HPRT1: variants seen among roughly 807,000 people sequenced by gnomAD.
HPRT1 encodes the protein hypoxanthine phosphoribosyltransferase 1, also known as hypoxanthine-guanine phosphoribosyltransferase.
HPRT1 carries 4 observed loss-of-function variants against 19.0 expected under a neutral mutation model. The observed-to-expected ratio is 0.21, with a 90% CI of 0.10 to 0.48. HPRT1 has a LOEUF of 0.48. Ranked by LOEUF, HPRT1 falls within the 20% of genes least tolerant of loss-of-function variation. The pLI is 0.98. For missense variants in HPRT1, 65 were observed against 164.0 expected (o/e 0.40, Z 3.30); for synonymous variants, 53 against 54.9 (o/e 0.97, Z 0.15).
intron 4 of HPRT1, among the ~76,000 whole-genome samples, chrX:134,488,129 A>G (rs1329823425): frequency 9.0e-6 from 1 of 110,807 alleles, no homozygotes; most frequent in African/African-American, 3.3e-5. Flanking sequence ...TTTCTGTTTC[A>G]TTGTATTTTA....
At chrX:134,462,133 G>C (rs765866096) in intron 1 of HPRT1, among the ~76,000 whole-genome samples, 1 of 111,125 alleles carries the variant, frequency 9.0e-6, no homozygotes, top group East Asian at 2.8e-4. Context: ...TGGGACTACA[G>C]GTGCGCACCA....
intron 3 of HPRT1, among the ~76,000 whole-genome samples, chrX:134,485,151 C>T (rs1417752846): frequency 8.9e-6 from 1 of 112,482 alleles, no homozygotes; most frequent in Non-Finnish European, 1.9e-5. Context: ...TATTTCCCCT[C>T]AGCATATTAT....
chrX:134,492,564 A>T (rs2077670533), intron 5 of HPRT1: 3 of 327,460 alleles, frequency 9.2e-6, no homozygotes. Flanking sequence ...CCGTTTTCTC[A>T]CTGGCTGCTG....
intron 4 of HPRT1, among the ~76,000 whole-genome samples, chrX:134,487,371 A>G (rs2124298767): frequency 9.2e-6 from 1 of 108,923 alleles, no homozygotes; most frequent in East Asian, 2.9e-4. Context: ...AGAGTAACCA[A>G]TAATAAATGA....
chrX:134,486,428 GAT>G (rs745897946), intron 3 of HPRT1, 35 bp from the exon 4 acceptor site: 2,067 of 634,654 alleles, frequency 3.3e-3, no homozygotes, highest in Middle Eastern at 6.2e-3. Context: ...TGTGTGTGTA[GAT>G]ATATATATAT....
chrX:134,465,648 T>A lies in HPRT1; in HGVS notation c.27+5310T>A, dbSNP rs1040415114. ...TGTAGCGATTTTTATCATTCACAAG[T>A]ATATCACAAGTAAGTTAGAATTTGA... On this transcript the variant is annotated intron_variant, in intron 1 of 8. Transcript: ENST00000298556. Among the ~76,000 whole-genome samples the A allele has an allele frequency of 3.5e-5, 4 of 112,726 alleles. No individual in the cohort carries two copies. In the South Asian group the frequency reaches 1.4e-3, roughly 41 times the overall value.
chrX:134,494,904 A>G (rs1315015820), intron 6 of HPRT1, among the ~76,000 whole-genome samples: 2 of 111,545 alleles, frequency 1.8e-5, no homozygotes, highest in Non-Finnish European at 3.8e-5. Flanking sequence ...CAAGTCATCT[A>G]TTCACCATAG....
intron 1 of HPRT1, among the ~76,000 whole-genome samples, chrX:134,469,934 ATACT>A (rs913223029): frequency 1.8e-5 from 2 of 112,580 alleles, no homozygotes; most frequent in African/African-American, 3.2e-5. Flanking sequence ...AATTTATAAA[ATACT>A]TAGTTGTTGT....
chrX:134,465,495 A>C (rs991870576), intron 1 of HPRT1, among the ~76,000 whole-genome samples: 5 of 112,211 alleles, frequency 4.5e-5, no homozygotes, highest in Middle Eastern at 4.6e-3. Flanking sequence ...AAAAATTATA[A>C]TGCCAGTTTT....
intron 3 of HPRT1, among the ~76,000 whole-genome samples, 161 bp from the exon 4 acceptor site, chrX:134,486,304 C>A (rs2077652442): frequency 9.0e-6 from 1 of 110,764 alleles, no homozygotes; most frequent in Non-Finnish European, 1.9e-5. Flanking sequence ...TCTTATAATT[C>A]ATATCATTTA....
intron 1 of HPRT1, among the ~76,000 whole-genome samples, chrX:134,467,837 G>A (rs1238886756): frequency 3.3e-5 from 3 of 92,105 alleles, no homozygotes; most frequent in African/African-American, 1.3e-4. Flanking sequence ...ACGGAGTCTC[G>A]CTCTGTCACT....
intron 4 of HPRT1, among the ~76,000 whole-genome samples, chrX:134,487,624 T>C (rs2077657077): frequency 8.9e-6 from 1 of 112,289 alleles, no homozygotes; most frequent in Non-Finnish European, 1.9e-5. Context: ...CTTTTCTTTC[T>C]TTAGATTTTA....
intron 5 of HPRT1, among the ~76,000 whole-genome samples, chrX:134,491,006 G>GTGTA (rs1556029153): frequency 1.0e-5 from 1 of 96,486 alleles, no homozygotes. Context: ...CTCTCTCTAT[G>GTGTA]TATATATATA....
chrX:134,483,596 C>G (rs1438093181), intron 3 of HPRT1, among the ~76,000 whole-genome samples: 1 of 110,802 alleles, frequency 9.0e-6, no homozygotes, highest in Non-Finnish European at 1.9e-5. Context: ...AAGCTTTCCC[C>G]TCACCTTTGC....
Position 134,460,288 on chromosome X carries a change from G to T in HPRT1, c.-24G>T, listed in dbSNP as rs1439773314. ...CCGGCTTCCTCCTCCTGAGCAGTCA[G>T]CCCGCGCGCCGGCCGGCTCCGTTAT... On this transcript the variant is annotated 5_prime_UTR_variant, in exon 1 of 9. Coordinates refer to ENST00000298556, the MANE Select transcript of HPRT1 (RefSeq NM_000194.3). The T allele has an allele frequency of 8.9e-7, 1 of 1,125,673 alleles. No individual in the cohort carries two copies. Among genetic ancestry groups the T allele is most frequent in the Non-Finnish European group, 1.2e-6 (1 of 856,728 alleles). The allele number at this position is 1,125,673 out of a possible 1,213,427, so 92.8% of individuals were successfully genotyped here.
chrX:134,460,248 T>G lies in HPRT1; in HGVS notation c.-64T>G. 3 of 1,092,760 alleles carry G rather than the reference T, an allele frequency of 2.7e-6. No homozygotes were observed. Among genetic ancestry groups the G allele is most frequent in the Non-Finnish European group, 3.6e-6 (3 of 829,261 alleles). The allele number at this position is 1,092,760 out of a possible 1,213,427, so 90.1% of individuals were successfully genotyped here. On this transcript the variant is annotated 5_prime_UTR_variant, in exon 1 of 9. Transcript: ENST00000298556. ...CGCCTCTTGCTGCGCCTCCGCCTCC[T>G]CCTCTGCTCCGCCACCGGCTTCCTC... is the stretch of plus-strand genomic sequence containing the variant.
chrX:134,461,763 C>G (rs768156653), intron 1 of HPRT1, among the ~76,000 whole-genome samples: 25 of 111,868 alleles, frequency 2.2e-4, no homozygotes, highest in African/African-American at 7.8e-4. Context: ...TTTGAAGCCT[C>G]AGAGAGGCTA....
chrX:134,471,959 TTTTG>T (rs1223433640), intron 1 of HPRT1, among the ~76,000 whole-genome samples: 1 of 110,632 alleles, frequency 9.0e-6, no homozygotes, highest in South Asian at 3.8e-4. Context: ...TTGTGGTTTT[TTTTG>T]TTTGTTTTGT....
At chrX:134,493,614 A>G in intron 6 of HPRT1, 24 bp downstream of exon 6, 1 of 1,022,580 alleles carries the variant, frequency 9.8e-7, no homozygotes, top group Non-Finnish European at 1.4e-6. Context: ...TTTGACACAG[A>G]ATATTTTCCT....
Sources: gnomAD v4.1 joint callset for allele counts (sites outside exome capture counted in the v4.1 genomes callset) on GRCh38, gnomAD v4.1.1 for gene constraint, MANE v1.5 for transcripts, NCBI Gene and HGNC (gene_info 2026-07-23, HGNC 2026-07-21) for gene names.